Variants in TRIM23 observed in about 807,000 individuals in gnomAD.
The protein encoded by TRIM23 is tripartite motif containing 23, also known as E3 ubiquitin-protein ligase TRIM23.
TRIM23 carries 27 observed loss-of-function variants against 71.0 expected under a neutral mutation model. The ratio of observed to expected loss-of-function variants is 0.38; its 90% CI spans 0.28 to 0.52. The LOEUF (loss-of-function observed/expected upper bound fraction) is 0.52. TRIM23 is among the 20% of genes least tolerant of loss of function. TRIM23 has a pLI of 0.84. For missense variants in TRIM23, 482 were observed against 692.3 expected, an observed-to-expected ratio of 0.70 and a Z score of 3.41; for synonymous variants, 234 against 238.0, an observed-to-expected ratio of 0.98 and a Z score of 0.16.
At chr5:65,596,225 G>A (rs183623810) in intron 9 of TRIM23, among the ~76,000 whole-genome samples, 196 bp downstream of exon 9, 1 of 152,160 alleles carries the variant, frequency 6.6e-6, no homozygotes, top group East Asian at 1.9e-4. Flanking sequence ...TGTAATAATG[G>A]TATATCAGGA....
At chr5:65,618,563 A>G (rs1436415901) in intron 1 of TRIM23, among the ~76,000 whole-genome samples, 1 of 152,160 alleles carries the variant, frequency 6.6e-6, no homozygotes, top group African/African-American at 2.4e-5. Context: ...AATCTGTACA[A>G]ACAATATGTA....
Position 65,609,286 on chromosome 5 carries a change from T to G in TRIM23, c.1001A>C (p.Glu334Ala). The change falls in exon 6 of 11, where the codon GAG becomes GCG. Residue 334 changes from glutamate (E) to alanine (A), a missense_variant. This residue lies in a region of TRIM23 where 307 missense variants were observed against 495.8 expected (regional missense o/e 0.62). Transcript: ENST00000231524. ...ACAGTGGAGGCAGGCTGCAGAAACC[T>G]CTGACAACAAAATAGTCATATCTTC... ...QQEDMTILLS[E>A]VSAACLHCEK... 1 of 1,614,206 alleles carries G rather than the reference T, an allele frequency of 6.2e-7. No homozygotes were observed. The highest frequency in any genetic ancestry group is 8.5e-7 in the Non-Finnish European group (1 of 1,180,026).
chr5:65,594,207 C>T (rs988278708), intron 10 of TRIM23, among the ~76,000 whole-genome samples: 12 of 152,196 alleles, frequency 7.9e-5, no homozygotes, highest in African/African-American at 2.7e-4. Context: ...AATCTTACAA[C>T]ATGCCACATT....
At chr5:65,616,641 TAA>T (rs746034795) in intron 2 of TRIM23, among the ~76,000 whole-genome samples, 24,851 of 126,176 alleles carry the variant, frequency 0.2, 2,904 homozygotes, top group South Asian at 0.32. Context: ...CACTCTGCTT[TAA>T]AAAAAAAAAA....
chr5:65,623,188 A>G (rs1754995389), intron 1 of TRIM23, among the ~76,000 whole-genome samples: 1 of 152,222 alleles, frequency 6.6e-6, no homozygotes, highest in African/African-American at 2.4e-5. Flanking sequence ...CTACTTTTCA[A>G]GATGTGAAAA....
chr5:65,612,158 C>CTCTTCCA (rs1754667907), intron 3 of TRIM23, among the ~76,000 whole-genome samples: 1 of 152,178 alleles, frequency 6.6e-6, no homozygotes, highest in South Asian at 2.1e-4. Flanking sequence ...GTGCAAAGAT[C>CTCTTCCA]TCTTCCACCA....
chr5:65,602,530 C>A (rs1581179708), intron 7 of TRIM23, among the ~76,000 whole-genome samples: 1 of 152,144 alleles, frequency 6.6e-6, no homozygotes, highest in East Asian at 1.9e-4. Context: ...TACCTGTTAC[C>A]CAGTTCCAAA....
At position 65,595,160 on chromosome 5, in the gene TRIM23, C is replaced by G. The variant is rs1754165074; in HGVS notation, c.1421-515G>C. ...GGCACAGTGGCTCACACCTATAATC[C>G]CAGCACTTTGGGAGGCTGAGGTGAG... On this transcript the variant is annotated intron_variant, in intron 9 of 10. Coordinates refer to ENST00000231524, the MANE Select transcript of TRIM23 (RefSeq NM_001656.4). Among the ~76,000 whole-genome samples the G allele has an allele frequency of 3.3e-5, 5 of 152,102 alleles. No individual in the cohort carries two copies. The South Asian group carries it at 1.0e-3, about 32-fold the overall frequency.
At chr5:65,595,283 C>T (rs779079268) in intron 9 of TRIM23, among the ~76,000 whole-genome samples, 1 of 151,748 alleles carries the variant, frequency 6.6e-6, no homozygotes. Context: ...TGTGGCCGGG[C>T]GCGGTGGCTC....
At chr5:65,617,966 T>G in intron 2 of TRIM23, 127 bp downstream of exon 2, 2 of 1,025,808 alleles carry the variant, frequency 1.9e-6, no homozygotes, top group Non-Finnish European at 2.7e-6. Flanking sequence ...TAATAGAAAC[T>G]TAGGCTTTCT....
At chr5:65,615,763 A>G (rs1754762338) in intron 2 of TRIM23, among the ~76,000 whole-genome samples, 1 of 152,256 alleles carries the variant, frequency 6.6e-6, no homozygotes, top group African/African-American at 2.4e-5. Context: ...TATACAAATA[A>G]ACCTCTAGCA....
chr5:65,600,165 C>T (rs941441325), intron 7 of TRIM23, among the ~76,000 whole-genome samples: 5 of 152,158 alleles, frequency 3.3e-5, no homozygotes, highest in African/African-American at 1.2e-4. Context: ...CTAAACCATT[C>T]ATGAGAAACT....
intron 8 of TRIM23, among the ~76,000 whole-genome samples, 184 bp downstream of exon 8, chr5:65,596,867 T>C (rs893082997): frequency 9.9e-5 from 15 of 152,120 alleles, no homozygotes; most frequent in African/African-American, 3.6e-4. Context: ...TGTTTCTTCT[T>C]TTTATCCCCA....
At position 65,618,256 on chromosome 5, in the gene TRIM23, C is replaced by A; in HGVS notation, c.82-1G>T. On this transcript the variant is annotated splice_acceptor_variant, in intron 1 of 10. Coordinates refer to ENST00000231524, the MANE Select transcript of TRIM23 (RefSeq NM_001656.4). LOFTEE classifies it high-confidence loss of function. ...CTTCACAAACTCCACACTCTAGCAC[C>A]TAATATTTGAAAAGGAAGGATGTGC... 1.2e-6 allele frequency: 2 copies of A among 1,604,054 alleles called. No individual in the cohort carries two copies. The highest frequency in any genetic ancestry group is 1.7e-6 in the Non-Finnish European group (2 of 1,176,244).
At chr5:65,592,279 G>A (rs1057486640) in intron 10 of TRIM23, among the ~76,000 whole-genome samples, 3 of 152,146 alleles carry the variant, frequency 2.0e-5, no homozygotes, top group African/African-American at 7.2e-5. Flanking sequence ...AGACTGGAGT[G>A]CAGTGACATG....
At chr5:65,605,443 A>T (rs1013658417) in intron 6 of TRIM23, among the ~76,000 whole-genome samples, 3 of 152,216 alleles carry the variant, frequency 2.0e-5, no homozygotes, top group African/African-American at 7.2e-5. Context: ...TGGGAAAGGC[A>T]GGTAGTGGCC....
intron 1 of TRIM23, among the ~76,000 whole-genome samples, chr5:65,619,879 C>T (rs867025478): frequency 2.0e-5 from 3 of 151,980 alleles, no homozygotes; most frequent in South Asian, 4.1e-4. Flanking sequence ...GTCAGGAGTT[C>T]GAGACCAGCC....
In TRIM23 at chr5:65,596,377, C is replaced by T. The variant is rs146793031; in HGVS notation, c.1420+44G>A. ...GTTAAATCAGTACACTGAAAACTGT[C>T]ATCCTAAAAATGTGAAAAATTAAAT... On this transcript the variant is annotated intron_variant, in intron 9 of 10. Transcript: ENST00000231524. The T allele has an allele frequency of 9.3e-4, 1,266 of 1,355,044 alleles. 4 individuals carry two copies. The East Asian group carries it at 0.012, about 13-fold the overall frequency. The allele number at this position is 1,355,044 out of a possible 1,614,324, so 83.9% of individuals were successfully genotyped here. A position where few individuals can be genotyped will look rare whatever the true frequency, so the allele number is the denominator to read the frequency against.
chr5:65,611,475 C>G (rs1735455671), intron 4 of TRIM23, 128 bp downstream of exon 4: 1 of 1,016,706 alleles, frequency 9.8e-7, no homozygotes, highest in South Asian at 2.0e-5. Context: ...TGCTACCAAA[C>G]CCAATCACTC....
Sources: allele counts gnomAD v4.1 joint callset (sites outside exome capture counted in the v4.1 genomes callset), GRCh38; gene constraint gnomAD v4.1.1; regional missense constraint gnomAD v4.1.1; transcripts MANE v1.5; gene names NCBI Gene and HGNC (gene_info 2026-07-23, HGNC 2026-07-21).